Variants in PYM1 observed in about 807,000 individuals in gnomAD.
PYM1 encodes the protein PYM1 exon junction complex associated factor.
PYM1 carries 7 observed loss-of-function variants against 20.7 expected under a neutral mutation model. That is an observed-to-expected ratio of 0.34 (90% CI 0.19 to 0.64). The LOEUF is 0.64. Ranked by LOEUF, PYM1 falls within the 30% of genes least tolerant of loss-of-function variation. PYM1 has a pLI of 0.74. For missense variants in PYM1, 194 were observed against 250.0 expected (o/e 0.78, Z 1.51); for synonymous variants, 100 against 99.2 (o/e 1.01, Z -0.05).
intron 1 of PYM1, among the ~76,000 whole-genome samples, chr12:55,924,823 C>T (rs1336666242): frequency 6.6e-6 from 1 of 152,080 alleles, no homozygotes; most frequent in African/African-American, 2.4e-5. Flanking sequence ...ATGACAGGCC[C>T]ACGCCACCAT....
intron 1 of PYM1, among the ~76,000 whole-genome samples, chr12:55,922,325 C>T (rs1883111323): frequency 6.6e-6 from 1 of 151,294 alleles, no homozygotes. Context: ...TCAATACTAA[C>T]AGGCTGGGCA....
At chr12:55,903,982 GT>G (rs1183502034) in intron 1 of PYM1, among the ~76,000 whole-genome samples, 1 of 151,944 alleles carries the variant, frequency 6.6e-6, no homozygotes, top group Non-Finnish European at 1.5e-5. Flanking sequence ...ATTTTGTTTT[GT>G]TTTTAGATGG....
At chr12:55,902,456 CCTTT>C (rs1882711123) in intron 2 of PYM1, 101 bp from the exon 3 acceptor site, 2 of 1,464,142 alleles carry the variant, frequency 1.4e-6, no homozygotes, top group Non-Finnish European at 9.0e-7. Context: ...ATTCTTGCTT[CCTTT>C]TTTTGTTGTT....
chr12:55,905,854 A>ATC (rs1565714382), intron 1 of PYM1, among the ~76,000 whole-genome samples: 6 of 35,476 alleles, frequency 1.7e-4, no homozygotes, highest in Non-Finnish European at 4.4e-4. Flanking sequence ...TATATATTAT[A>ATC]TATTAGATAT....
chr12:55,917,755 A>C (rs894526546), intron 1 of PYM1, among the ~76,000 whole-genome samples: 2 of 152,042 alleles, frequency 1.3e-5, no homozygotes, highest in African/African-American at 4.8e-5. Context: ...TGAGGTCAGG[A>C]GTTGGAGACC....
intron 1 of PYM1, 179 bp downstream of exon 1, chr12:55,927,542 GCAGA>G (rs1883217712): frequency 2.6e-6 from 2 of 762,164 alleles, no homozygotes; most frequent in South Asian, 3.4e-5. Flanking sequence ...GTGACGTGGA[GCAGA>G]CAAACTCCAG....
At chr12:55,923,556 C>T (rs1883136353) in intron 1 of PYM1, among the ~76,000 whole-genome samples, 2 of 149,776 alleles carry the variant, frequency 1.3e-5, no homozygotes, top group African/African-American at 4.9e-5. Context: ...CAGAGCAAGA[C>T]CCTGTCTGAA....
At chr12:55,927,172 A>G in intron 1 of PYM1, 1 of 1,507,186 alleles carries the variant, frequency 6.6e-7, no homozygotes. Flanking sequence ...CCCCACCGGA[A>G]GTGGAGTCCC....
At position 55,905,832 on chromosome 12, in the gene PYM1, A is replaced by C. The variant is rs1409887945; in HGVS notation, c.38-2352T>G. On this transcript the variant is annotated intron_variant, in intron 1 of 2. Coordinates refer to ENST00000408946, the MANE Select transcript of PYM1 (RefSeq NM_032345.3). ...GTTTTCAAAAATTCTAATTTTCTATATATATTAGATATATATATTATATAT... is the reference window on the plus strand; with the variant it reads ...GTTTTCAAAAATTCTAATTTTCTATCTATATTAGATATATATATTATATAT... Among the ~76,000 whole-genome samples, 13 of 125,924 alleles carry C rather than the reference A, an allele frequency of 1.0e-4. 1 individual carries two copies. The highest frequency in any genetic ancestry group is 3.0e-4 in the African/African-American group (10 of 32,936). The allele number at this position is 125,924 out of a possible 152,430, so 82.6% of individuals were successfully genotyped here. A position where few individuals can be genotyped will look rare whatever the true frequency, so the allele number is the denominator to read the frequency against.
intron 1 of PYM1, among the ~76,000 whole-genome samples, chr12:55,918,625 T>C (rs1268346530): frequency 1.3e-5 from 2 of 152,046 alleles, no homozygotes; most frequent in African/African-American, 4.8e-5. Flanking sequence ...ATCCCAGCAC[T>C]GGGAGGCCAA....
intron 1 of PYM1, among the ~76,000 whole-genome samples, chr12:55,906,839 G>T (rs930094407): frequency 6.6e-6 from 1 of 151,880 alleles, no homozygotes; most frequent in African/African-American, 2.4e-5. Context: ...GTAGAGACGG[G>T]ATTTCTCTGT....
At position 55,902,307 on chromosome 12, in the gene PYM1, G is replaced by A. The variant is rs776423330; in HGVS notation, c.180C>T (p.Pro60=). Residue 60 remains proline, a synonymous_variant, in exon 3 of 3, where the codon CCC becomes CCT. Coordinates refer to ENST00000408946, the MANE Select transcript of PYM1 (RefSeq NM_032345.3). ...CAGTGGCCTCAGGGCTTAGCCCTGG[G>A]GGCAACTCTGGTTTACTCTTGAAAA... ...VKFFKSKPEL[P]PGLSPEATAP... is the part of the protein sequence containing the mutation. 3 of 1,613,868 alleles carry A rather than the reference G, an allele frequency of 1.9e-6. No homozygotes were observed. The highest frequency in any genetic ancestry group is 2.5e-6 in the Non-Finnish European group (3 of 1,179,912).
intron 1 of PYM1, among the ~76,000 whole-genome samples, chr12:55,924,465 A>T (rs933214051): frequency 9.2e-5 from 14 of 152,144 alleles, no homozygotes; most frequent in African/African-American, 2.9e-4. Context: ...CAACATAGCA[A>T]GTCTGCATCG....
chr12:55,906,855 T>G (rs1171362876), intron 1 of PYM1, among the ~76,000 whole-genome samples: 1 of 151,916 alleles, frequency 6.6e-6, no homozygotes, highest in Non-Finnish European at 1.5e-5. Context: ...TCTGTATTGG[T>G]CAGGCTGGTA....
intron 1 of PYM1, chr12:55,927,438 G>A: frequency 1.4e-6 from 1 of 707,978 alleles, no homozygotes; most frequent in Admixed American, 2.1e-5. Flanking sequence ...GGAAAAGGGC[G>A]CAAGGCCCAC....
intron 2 of PYM1, 95 bp from the exon 3 acceptor site, chr12:55,902,450 T>G (rs1592633080): frequency 6.8e-7 from 1 of 1,472,752 alleles, no homozygotes; most frequent in Non-Finnish European, 9.0e-7. Context: ...CATTACATTC[T>G]TGCTTCCTTT....
At position 55,901,655 on chromosome 12, in the gene PYM1, C is replaced by A. The variant is rs1272161499; in HGVS notation, c.*217G>T. ...GGGGTAGTCACTGAGATTTTGAACA[C>A]TGGGAATGGGAGGGGGAAAGTCCAA... On this transcript the variant is annotated 3_prime_UTR_variant, in exon 3 of 3. Transcript: ENST00000408946. 3.3e-6 allele frequency: 2 copies of A among 599,658 alleles called. No homozygotes were observed. Among genetic ancestry groups the A allele is most frequent in the Non-Finnish European group, 2.7e-6 (1 of 364,292 alleles). The allele number at this position is 599,658 out of a possible 1,614,324, so 37.1% of individuals were successfully genotyped here.
intron 2 of PYM1, among the ~76,000 whole-genome samples, chr12:55,902,972 G>A (rs371626301): frequency 6.6e-6 from 1 of 151,944 alleles, no homozygotes; most frequent in African/African-American, 2.4e-5. Context: ...TAGTACAGAC[G>A]GGGTTTCACC....
chr12:55,927,159 C>T, intron 1 of PYM1: 1 of 1,551,270 alleles, frequency 6.4e-7, no homozygotes, highest in Non-Finnish European at 8.7e-7. Flanking sequence ...GTCCCGCCCC[C>T]CTCCCCACCG....
Sources: allele counts gnomAD v4.1 joint callset (sites outside exome capture counted in the v4.1 genomes callset), GRCh38; gene constraint gnomAD v4.1.1; transcripts MANE v1.5; gene names NCBI Gene and HGNC (gene_info 2026-07-23, HGNC 2026-07-21).